The following FSTL5 variants were observed in gnomAD, a reference collection of about 807,000 sequenced individuals.
The protein encoded by FSTL5 is follistatin like 5.
In FSTL5, 62 loss-of-function variants were observed where a neutral mutation model predicts 89.1. That is an observed-to-expected ratio of 0.70 (90% CI 0.57 to 0.86). The LOEUF (loss-of-function observed/expected upper bound fraction) is 0.86. Among genes scored for constraint, FSTL5 ranks in the 40% least tolerant of loss-of-function variants. The pLI, the probability that FSTL5 is intolerant of heterozygous loss-of-function variation, is 0.00. For synonymous variants in FSTL5, 383 were observed against 346.2 expected, an observed-to-expected ratio of 1.11 and a Z score of -1.18; for missense variants, 1,057 against 1,001.6, an observed-to-expected ratio of 1.06 and a Z score of -0.75.
intron 3 of FSTL5, among the ~76,000 whole-genome samples, chr4:162,012,306 T>C (rs1378585806): frequency 1.3e-5 from 2 of 152,234 alleles, no homozygotes; most frequent in Non-Finnish European, 2.9e-5. Flanking sequence ...GAAATTTTGA[T>C]ACTTTTTCAG....
chr4:161,842,120 G>A (rs1731229320), intron 4 of FSTL5, among the ~76,000 whole-genome samples: 1 of 152,114 alleles, frequency 6.6e-6, no homozygotes, highest in Non-Finnish European at 1.5e-5. Flanking sequence ...ATGTGATGGT[G>A]ATTATTGTAT....
At chr4:161,740,555 G>A (rs1739985364) in intron 6 of FSTL5, among the ~76,000 whole-genome samples, 1 of 151,948 alleles carries the variant, frequency 6.6e-6, no homozygotes, top group Non-Finnish European at 1.5e-5. Context: ...AAGCATAGTT[G>A]AGACAAAAAT....
At chr4:161,865,442 T>C (rs1327653157) in intron 4 of FSTL5, among the ~76,000 whole-genome samples, 1 of 152,162 alleles carries the variant, frequency 6.6e-6, no homozygotes, top group Non-Finnish European at 1.5e-5. Context: ...AAAGTAAATA[T>C]AAACATACAA....
chr4:161,453,164 C>T (rs1733231178), intron 15 of FSTL5, among the ~76,000 whole-genome samples: 1 of 152,226 alleles, frequency 6.6e-6, no homozygotes, highest in South Asian at 2.1e-4. Flanking sequence ...CCCAACTATA[C>T]ACAATTATAC....
intron 3 of FSTL5, among the ~76,000 whole-genome samples, chr4:162,009,778 G>A (rs1344816058): frequency 4.0e-5 from 6 of 151,652 alleles, no homozygotes; most frequent in African/African-American, 1.5e-4. Flanking sequence ...ACATCATTTG[G>A]TATTTTGTGT....
chr4:161,751,194 G>A (rs539329784), intron 6 of FSTL5, among the ~76,000 whole-genome samples: 17 of 151,750 alleles, frequency 1.1e-4, no homozygotes, highest in East Asian at 1.9e-4. Context: ...AATGAAGGAC[G>A]GAGTTATTTT....
intron 4 of FSTL5, among the ~76,000 whole-genome samples, chr4:161,807,647 A>T (rs1730010723): frequency 6.6e-6 from 1 of 152,210 alleles, no homozygotes; most frequent in Admixed American, 6.5e-5. Context: ...AATGAATGAA[A>T]AAACGAACAT....
intron 6 of FSTL5, among the ~76,000 whole-genome samples, chr4:161,700,767 G>C (rs1363158519): frequency 2.0e-5 from 3 of 152,122 alleles, no homozygotes; most frequent in African/African-American, 7.2e-5. Flanking sequence ...AATTTCTGTA[G>C]AGAAAAATAA....
intron 15 of FSTL5, among the ~76,000 whole-genome samples, chr4:161,431,664 T>C (rs915745971): frequency 1.3e-5 from 2 of 151,884 alleles, no homozygotes; most frequent in East Asian, 1.9e-4. Flanking sequence ...TCAAAAGACA[T>C]AGAATGGTTG....
At chr4:161,593,495 C>A (rs1161012959) in intron 7 of FSTL5, among the ~76,000 whole-genome samples, 1 of 143,230 alleles carries the variant, frequency 7.0e-6, no homozygotes, top group East Asian at 2.1e-4. Context: ...AAAAAAAGAT[C>A]AGAGAAGAGA....
intron 4 of FSTL5, 32 bp downstream of exon 4, chr4:161,920,371 TG>T (rs1167758456): frequency 6.3e-7 from 1 of 1,593,066 alleles, no homozygotes; most frequent in Non-Finnish European, 8.6e-7. Flanking sequence ...AGAAATAGAG[TG>T]GGGTGACACT....
chr4:161,684,990 T>C (rs563606642), intron 6 of FSTL5, among the ~76,000 whole-genome samples: 8 of 152,276 alleles, frequency 5.3e-5, no homozygotes, highest in African/African-American at 1.7e-4. Flanking sequence ...TACTCCAGCA[T>C]CATTTGTTGA....
At chr4:162,073,048 C>G (rs1242764908) in intron 2 of FSTL5, among the ~76,000 whole-genome samples, 1 of 151,730 alleles carries the variant, frequency 6.6e-6, no homozygotes, top group Non-Finnish European at 1.5e-5. Flanking sequence ...ATCAGCAAGC[C>G]TGGGTGTCCA....
chr4:162,055,633 T>G lies in FSTL5; in HGVS notation c.127-21975A>C, dbSNP rs146511906. 5.2e-3 allele frequency among the ~76,000 whole-genome samples: 785 copies of G among 151,920 alleles called. 3 individuals are homozygous for G. Among genetic ancestry groups the G allele is most frequent in the South Asian group, 0.026 (125 of 4,820 alleles). ...AAATCCAACTGTATTTCAAACAGAA[T>G]GTTAATTTTTTCATTGAAACATTTG... On this transcript the variant is annotated intron_variant, in intron 2 of 15. Transcript: ENST00000306100.
Position 161,481,311 on chromosome 4 carries a change from A to G in FSTL5, c.1459-142T>C, listed in dbSNP as rs1174768669. On this transcript the variant is annotated intron_variant, in intron 12 of 15. Transcript: ENST00000306100. ...TATATATATATAAAGTTTAATTAAT[A>G]GAACATATTTCAGTTCATTAAATAT... 16 of 458,360 alleles carry G rather than the reference A, an allele frequency of 3.5e-5. No individual in the cohort carries two copies. The East Asian group carries it at 5.5e-4, about 16-fold the overall frequency. The allele number at this position is 458,360 out of a possible 1,614,324, so 28.4% of individuals were successfully genotyped here.
At chr4:161,576,643 T>C (rs1399533868) in intron 8 of FSTL5, among the ~76,000 whole-genome samples, 1 of 152,226 alleles carries the variant, frequency 6.6e-6, no homozygotes, top group East Asian at 1.9e-4. Context: ...ACTGGATCCC[T>C]TTCTTAACAC....
chr4:161,698,685 T>G (rs1016431342), intron 6 of FSTL5, among the ~76,000 whole-genome samples: 4 of 152,110 alleles, frequency 2.6e-5, no homozygotes, highest in Admixed American at 2.6e-4. Flanking sequence ...TCCCAGCACT[T>G]TGGGAAGCCG....
chr4:161,689,334 C>A (rs1028315149), intron 6 of FSTL5, among the ~76,000 whole-genome samples: 3 of 152,012 alleles, frequency 2.0e-5, no homozygotes, highest in African/African-American at 7.2e-5. Context: ...GCTGCATAAT[C>A]CAGGACAGTA....
intron 6 of FSTL5, among the ~76,000 whole-genome samples, chr4:161,676,956 C>T (rs1306968939): frequency 1.3e-5 from 2 of 151,716 alleles, no homozygotes; most frequent in African/African-American, 2.4e-5. Flanking sequence ...ATTAAGTTAG[C>T]CATATTTTAA....
Sources: allele counts gnomAD v4.1 joint callset (sites outside exome capture counted in the v4.1 genomes callset), GRCh38; gene constraint gnomAD v4.1.1; transcripts MANE v1.5; gene names NCBI Gene and HGNC (gene_info 2026-07-23, HGNC 2026-07-21).